The following USP43 variants were observed in gnomAD, a reference collection of about 807,000 sequenced individuals.
USP43 encodes ubiquitin carboxyl-terminal hydrolase 43.
In USP43, 33 loss-of-function variants were observed where a neutral mutation model predicts 90.7. That is an observed-to-expected ratio of 0.36 (90% confidence interval 0.28 to 0.49). The LOEUF (loss-of-function observed/expected upper bound fraction) is 0.49. Among genes scored for constraint, USP43 ranks in the 20% least tolerant of loss-of-function variants. The pLI, the probability that USP43 is intolerant of heterozygous loss-of-function variation, is 0.98. For missense variants in USP43, 1,274 were observed against 1,476.4 expected (o/e 0.86, Z 2.25); for synonymous variants, 598 against 615.8 (o/e 0.97, Z 0.43).
intron 2 of USP43, among the ~76,000 whole-genome samples, chr17:9,658,019 G>A (rs1249059618): frequency 2.6e-5 from 4 of 152,204 alleles, no homozygotes; most frequent in Non-Finnish European, 5.9e-5. Context: ...AGTTTCATGA[G>A]CTTTGATAAT....
At chr17:9,700,825 C>T (rs1302443689) in intron 10 of USP43, among the ~76,000 whole-genome samples, 1 of 152,180 alleles carries the variant, frequency 6.6e-6, no homozygotes, top group African/African-American at 2.4e-5. Flanking sequence ...GTCGTTCAGT[C>T]CAGCAAGTAT....
intron 9 of USP43, among the ~76,000 whole-genome samples, chr17:9,696,381 G>A (rs564127653): frequency 1.1e-3 from 168 of 152,170 alleles, no homozygotes; most frequent in African/African-American, 3.9e-3. Flanking sequence ...CAATCCGCCT[G>A]CCTCTGCCTC....
Position 9,709,938 on chromosome 17 carries a change from G to T in USP43, c.2012-18G>T. ...TTGGGGCTCCAATAACTCAGACTTG[G>T]GGATGGGACCTTTGCAGCCTACTGC... On this transcript the variant is annotated intron_variant, in intron 12 of 14. Coordinates refer to ENST00000285199, the MANE Select transcript of USP43 (RefSeq NM_153210.5). The surrounding 1 kb of genome is among the most constrained non-coding windows in gnomAD (Gnocchi z 5.0). The T allele has an allele frequency of 7.1e-7, 1 of 1,402,556 alleles. No homozygotes were observed. Among genetic ancestry groups the T allele is most frequent in the South Asian group, 1.9e-5 (1 of 53,660 alleles). The allele number at this position is 1,402,556 out of a possible 1,614,324, so 86.9% of individuals were successfully genotyped here. A position where few individuals can be genotyped will look rare whatever the true frequency, so the allele number is the denominator to read the frequency against.
chr17:9,726,221 T>C lies in USP43; in HGVS notation c.2336-1733T>C, dbSNP rs556516001. Among the ~76,000 whole-genome samples, 5 of 152,244 alleles carry C rather than the reference T, an allele frequency of 3.3e-5. No homozygotes were observed. The South Asian group carries it at 1.0e-3, about 32-fold the overall frequency. On this transcript the variant is annotated intron_variant, in intron 14 of 14. Transcript: ENST00000285199. ...TTGCCTCCCCCGCGTTCCTGCAGCA[T>C]TCACTCCCCTGCACCTCATTCTTTT...
chr17:9,722,074 A>G (rs1213732071), intron 14 of USP43, among the ~76,000 whole-genome samples: 1 of 151,996 alleles, frequency 6.6e-6, no homozygotes, highest in Non-Finnish European at 1.5e-5. Context: ...GCATTTTAAT[A>G]ATTTTCGCTT....
chr17:9,650,071 C>T (rs8080673), intron 1 of USP43, among the ~76,000 whole-genome samples: 7,886 of 152,148 alleles, frequency 0.052, 586 homozygotes, highest in African/African-American at 0.17. Context: ...ACCACTCTTA[C>T]GTTTTGTAAG....
intron 9 of USP43, among the ~76,000 whole-genome samples, chr17:9,696,945 G>A (rs1175533496): frequency 4.6e-5 from 7 of 152,222 alleles, no homozygotes; most frequent in African/African-American, 7.2e-5. Context: ...GGCCAGGCAC[G>A]GTGGCTCACG....
intron 14 of USP43, among the ~76,000 whole-genome samples, chr17:9,724,206 C>T (rs1294271430): frequency 2.0e-5 from 3 of 152,164 alleles, no homozygotes; most frequent in Non-Finnish European, 4.4e-5. Context: ...CCTTTTTCTT[C>T]CCCGCTTCGT....
In USP43 at chr17:9,651,834, AT is replaced by A. The variant is rs1911883382; in HGVS notation, c.505-4568del. On this transcript the variant is annotated intron_variant, in intron 1 of 14. Transcript: ENST00000285199. The stretch of plus-strand genomic sequence containing the variant: ...ACATAAAATGGAAATGGAGTAAAAA[AT>A]ATTAGAAAGAAAATTGCTAAAATAT... Among the ~76,000 whole-genome samples the A allele has an allele frequency of 4.6e-5, 7 of 152,350 alleles. No individual in the cohort carries two copies. The South Asian group carries it at 1.4e-3, about 32-fold the overall frequency.
Position 9,656,270 on chromosome 17 carries a change from C to A in USP43, c.505-133C>A, listed in dbSNP as rs371953156. ...CTTTGGCGTGAAAGAACATTTCTAC[C>A]CCGGCTGTTTGTGTGCTGTCATCCC... On this transcript the variant is annotated intron_variant, in intron 1 of 14. Coordinates refer to ENST00000285199, the MANE Select transcript of USP43 (RefSeq NM_153210.5). 26 of 1,209,358 alleles carry A rather than the reference C, an allele frequency of 2.1e-5. No homozygotes were observed. The African/African-American group carries it at 3.7e-4, about 17-fold the overall frequency. 74.9% of individuals were successfully genotyped at this position (1,209,358 alleles called of 1,614,324 possible).
intron 8 of USP43, among the ~76,000 whole-genome samples, chr17:9,688,602 A>G (rs530916827): frequency 3.9e-4 from 57 of 146,782 alleles, no homozygotes; most frequent in African/African-American, 1.4e-3. Context: ...TCCCACTTCA[A>G]CCTCCCAAAG....
intron 14 of USP43, among the ~76,000 whole-genome samples, chr17:9,727,305 G>C (rs1917322847): frequency 6.6e-6 from 1 of 152,098 alleles, no homozygotes; most frequent in South Asian, 2.1e-4. Context: ...TGGAGATATA[G>C]GAAAGAATTA....
In USP43 at chr17:9,713,716, T is replaced by A. The variant is rs571392856; in HGVS notation, c.2335+1584T>A. On this transcript the variant is annotated intron_variant, in intron 14 of 14. Coordinates refer to ENST00000285199, the MANE Select transcript of USP43 (RefSeq NM_153210.5). ...ATACTGAAGCTGGAGCTGCTAAGATTTGCTGATGTGGGGTGTGCAGTGTGA... is the reference window on the plus strand; with the variant it reads ...ATACTGAAGCTGGAGCTGCTAAGATATGCTGATGTGGGGTGTGCAGTGTGA... Among the ~76,000 whole-genome samples the A allele has an allele frequency of 9.3e-4, 141 of 152,218 alleles. 1 individual carries two copies. The highest frequency in any genetic ancestry group is 3.0e-3 in the Admixed American group (46 of 15,286).
Position 9,680,701 on chromosome 17 carries a change from C to G in USP43, c.1105+335C>G, listed in dbSNP as rs1250286814. ...ACCAAGTTCCCAGGTGATGCCGATG[C>G]TGCTGGTCCAGGAACCACACTTTGA... On this transcript the variant is annotated intron_variant, in intron 6 of 14. Coordinates refer to ENST00000285199, the MANE Select transcript of USP43 (RefSeq NM_153210.5). Among the ~76,000 whole-genome samples, 95 of 152,034 alleles carry G rather than the reference C, an allele frequency of 6.2e-4. 1 individual carries two copies. The highest frequency in any genetic ancestry group is 2.2e-4 in the Non-Finnish European group (15 of 68,016).
At chr17:9,689,022 A>G (rs976533726) in intron 8 of USP43, among the ~76,000 whole-genome samples, 14 of 152,138 alleles carry the variant, frequency 9.2e-5, no homozygotes, top group Non-Finnish European at 2.1e-4. Flanking sequence ...CAAGCAATCA[A>G]TGGGGCCAGC....
chr17:9,725,423 G>A (rs762421980), intron 14 of USP43, among the ~76,000 whole-genome samples: 8 of 152,178 alleles, frequency 5.3e-5, no homozygotes, highest in South Asian at 4.2e-4. Context: ...CCATCTCCCC[G>A]GGGGAGGGGT....
intron 1 of USP43, among the ~76,000 whole-genome samples, chr17:9,653,599 A>G (rs1234076569): frequency 6.6e-6 from 1 of 152,076 alleles, no homozygotes; most frequent in Non-Finnish European, 1.5e-5. Flanking sequence ...AAAAAAGAAA[A>G]AAAAAAAAAG....
At chr17:9,671,232 T>C (rs1180964803) in intron 3 of USP43, among the ~76,000 whole-genome samples, 1 of 152,210 alleles carries the variant, frequency 6.6e-6, no homozygotes, top group African/African-American at 2.4e-5. Context: ...TCTGCAAGTC[T>C]AACGACCAAC....
Position 9,701,374 on chromosome 17 carries a change from A to G in USP43, c.1685A>G (p.Lys562Arg), listed in dbSNP as rs371651071. The G allele has an allele frequency of 2.1e-5, 33 of 1,600,360 alleles. No homozygotes were observed. The highest frequency in any genetic ancestry group is 2.8e-5 in the Non-Finnish European group (33 of 1,173,822). Reference protein sequence around the residue: ...EEQLAQDDAWKCPHCQVLQQG... With the variant: ...EEQLAQDDAWRCPHCQVLQQG... ...CAGCTGGCCCAGGATGACGCCTGGA[A>G]GTGTCCTCACTGCCAAGTCCTGCAG... Residue 562 changes from lysine (K) to arginine (R), a missense_variant, in exon 12 of 15, where the codon AAG (lysine) becomes AGG (arginine). Around this residue, in one of 6 missense-constraint regions of USP43, gnomAD observed 253 missense variants for 276.0 expected, o/e 0.92. Coordinates refer to ENST00000285199, the MANE Select transcript of USP43 (RefSeq NM_153210.5). The surrounding 1 kb of genome is among the most constrained non-coding windows in gnomAD (Gnocchi z 7.2).
Sources: gnomAD v4.1 joint callset for allele counts (sites outside exome capture counted in the v4.1 genomes callset) on GRCh38, gnomAD v4.1.1 for gene constraint, gnomAD v4.1.1 regional missense constraint, Gnocchi (gnomAD v3.1) non-coding constraint, MANE v1.5 for transcripts, NCBI Gene and HGNC (gene_info 2026-07-23, HGNC 2026-07-21) for gene names.